RTEL1: variants seen among roughly 807,000 people sequenced by gnomAD.
RTEL1 encodes regulator of telomere elongation helicase 1.
In RTEL1, 86 loss-of-function variants were observed where a neutral mutation model predicts 162.2. The ratio of observed to expected loss-of-function variants is 0.53; its 90% CI spans 0.45 to 0.63. The LOEUF is 0.63. Among genes scored for constraint, RTEL1 ranks in the 30% least tolerant of loss-of-function variants. The pLI, the probability that RTEL1 is intolerant of heterozygous loss-of-function variation, is 0.00. For synonymous variants in RTEL1, 958 were observed against 717.9 expected, an observed-to-expected ratio of 1.33 and a Z score of -5.35; for missense variants, 1,941 against 1,750.2, an observed-to-expected ratio of 1.11 and a Z score of -1.95.
chr20:63,692,628 A>G, intron 28 of RTEL1, 177 bp from the exon 29 acceptor site: 1 of 632,152 alleles, frequency 1.6e-6, no homozygotes, highest in Non-Finnish European at 2.8e-6. Flanking sequence ...CCAGCCCCAC[A>G]GCTTTCTTCC....
At chr20:63,679,987 C>A (rs768942341) in intron 13 of RTEL1, 41 bp downstream of exon 13, 1 of 1,442,210 alleles carries the variant, frequency 6.9e-7, no homozygotes, top group Non-Finnish European at 9.6e-7. Context: ...GCAAATGTGG[C>A]GTAGGGGGTG....
Position 63,662,645 on chromosome 20 carries a change from C to G in RTEL1, c.477+18C>G. The G allele has an allele frequency of 1.2e-6, 2 of 1,613,322 alleles. No individual in the cohort carries two copies. The highest frequency in any genetic ancestry group is 8.5e-7 in the Non-Finnish European group (1 of 1,179,562). On this transcript the variant is annotated intron_variant, in intron 5 of 34. Transcript: ENST00000360203. ...ATCTACAGGTAGGCTCCTGGGCTCC[C>G]GCTCCGGCTCAGTGTCCGACAGGCG...
In RTEL1 at chr20:63,672,552, G is replaced by A. The variant is rs1376001934; in HGVS notation, c.700-4G>A. 4 of 1,574,880 alleles carry A rather than the reference G, an allele frequency of 2.5e-6. No individual in the cohort carries two copies. The highest frequency in any genetic ancestry group is 3.5e-6 in the Non-Finnish European group (4 of 1,157,936). On this transcript the variant is annotated splice_polypyrimidine_tract_variant and splice_region_variant and intron_variant, in intron 8 of 34. Transcript: ENST00000360203. ...GCGCTGCGTCCCTTCTCTTCCTCCT[G>A]TAGAGCCGCAGAGCACACAACATTG...
At chr20:63,688,738 G>A (rs1601166031) in intron 21 of RTEL1, 133 bp downstream of exon 21, 5 of 770,658 alleles carry the variant, frequency 6.5e-6, no homozygotes, top group African/African-American at 3.5e-5. Flanking sequence ...GGGCTCCTGC[G>A]TTTCCTTCCT....
At chr20:63,691,470 T>G (rs2090741497) in intron 27 of RTEL1, among the ~76,000 whole-genome samples, 1 of 152,086 alleles carries the variant, frequency 6.6e-6, no homozygotes, top group Non-Finnish European at 1.5e-5. Flanking sequence ...CAGGCACCTG[T>G]GTCCCCTTCC....
rs1466628519 is a variant in RTEL1, at chr20:63,687,696, C to G, written c.1407C>G (p.Arg469=). The change falls in exon 17 of 35, where the codon CGC becomes CGG. Residue 469 remains arginine (R), a synonymous_variant. Transcript: ENST00000360203. ...SPGHSMHELV[R]QGVRSLILTS... ...GCCACAGCATGCACGAGCTGGTCCG[C>G]CAGGGCGTCCGCTCCCTCATCCTTA... The G allele has an allele frequency of 1.0e-5, 16 of 1,606,778 alleles. No homozygotes were observed. The South Asian group carries it at 1.8e-4, about 18-fold the overall frequency.
intron 16 of RTEL1, 129 bp from the exon 17 acceptor site, chr20:63,687,509 C>T: frequency 9.2e-7 from 1 of 1,089,436 alleles, no homozygotes; most frequent in Non-Finnish European, 1.3e-6. Context: ...CACAGTGGGC[C>T]TGGGTGGCTG....
chr20:63,693,598 C>T (rs1353258159), intron 30 of RTEL1, among the ~76,000 whole-genome samples: 159 of 91,172 alleles, frequency 1.7e-3, no homozygotes, highest in Non-Finnish European at 3.2e-3. Context: ...ACCTCCACCT[C>T]CACCACCACC....
In RTEL1 at chr20:63,661,362, C is replaced by T. The variant is rs768910485; in HGVS notation, c.167C>T (p.Thr56Met). The change falls in exon 3 of 35, where the codon ACG (threonine) becomes ATG (methionine). Residue 56 changes from threonine to methionine, a missense_variant. Coordinates refer to ENST00000360203, the MANE Select transcript of RTEL1 (RefSeq NM_001283009.2). This position sits in a 1 kb window ranked among gnomAD's most constrained non-coding sequence, Gnocchi z 5.1. Reference sequence around the variant, plus strand: ...AAGACGCTGTGCCTGCTGTGCACCACGCTGGCCTGGCGAGAACACCTCCGA... The same window carrying T: ...AAGACGCTGTGCCTGCTGTGCACCATGCTGGCCTGGCGAGAACACCTCCGA... ...TGKTLCLLCT[T>M]LAWREHLRDG... 3.1e-6 allele frequency: 5 copies of T among 1,613,580 alleles called. 1 individual carries two copies. The highest frequency in any genetic ancestry group is 3.5e-4 in the Middle Eastern group (2 of 5,722).
rs1204270300 is a variant in RTEL1 at position 63,689,528 on chromosome 20, C to T, written c.1905C>T (p.Asp635=). 6.8e-6 allele frequency: 11 copies of T among 1,608,712 alleles called. No homozygotes were observed. The highest frequency in any genetic ancestry group is 9.3e-6 in the Non-Finnish European group (11 of 1,178,432). The part of the protein sequence containing the change: ...GKASEGLDFS[D]TNGRGVIVTG... ...CCAGCGAGGGGCTGGACTTCTCAGA[C>T]ACGAATGGCCGTGGTGTGATTGTCA... is the stretch of plus-strand genomic sequence containing the variant. Residue 635 remains aspartate (D), a synonymous_variant, in exon 23 of 35, where the codon GAC becomes GAT. Transcript: ENST00000360203.
intron 21 of RTEL1, 80 bp downstream of exon 21, chr20:63,688,685 C>A: frequency 7.4e-7 from 1 of 1,352,540 alleles, no homozygotes; most frequent in Non-Finnish European, 1.0e-6. Flanking sequence ...AGGCTGACCA[C>A]TGGCCCTGAC....
Position 63,659,323 on chromosome 20 carries a change from T to G in RTEL1, c.-80T>G. Reference sequence around the variant, plus strand: ...ACCAGGAGTGCCCGAGACCCTAAGATGTTCGGAGTGGTTTTTTCGCACAGA... The same window carrying G: ...ACCAGGAGTGCCCGAGACCCTAAGAGGTTCGGAGTGGTTTTTTCGCACAGA... On this transcript the variant is annotated 5_prime_UTR_variant, in exon 2 of 35. An upstream start codon of the reference 5' UTR is lost. Transcript: ENST00000360203. 1.1e-6 allele frequency: 1 copy of G among 930,456 alleles called. No homozygotes were observed. The highest frequency in any genetic ancestry group is 1.8e-6 in the Non-Finnish European group (1 of 564,372). 57.6% of individuals were successfully genotyped at this position (930,456 alleles called of 1,614,324 possible).
chr20:63,693,075 G>A (rs367683582), intron 29 of RTEL1, 68 bp from the exon 30 acceptor site: 11 of 1,610,064 alleles, frequency 6.8e-6, no homozygotes, highest in South Asian at 2.2e-5. Context: ...GGGCCATCTG[G>A]GTCCAAGGTG....
chr20:63,673,631 G>A (rs1194693178), intron 9 of RTEL1, among the ~76,000 whole-genome samples: 3 of 151,944 alleles, frequency 2.0e-5, no homozygotes, highest in Non-Finnish European at 4.4e-5. Flanking sequence ...TAGAGGCGGG[G>A]TTTCCCAGCG....
At chr20:63,667,429 C>G in intron 7 of RTEL1, 40 bp from the exon 8 acceptor site, 2 of 1,519,324 alleles carry the variant, frequency 1.3e-6, no homozygotes, top group Non-Finnish European at 1.8e-6. Context: ...CCGTCCCCTG[C>G]ATGGGGTGCT....
chr20:63,694,032 A>C (rs1191204104), intron 30 of RTEL1, among the ~76,000 whole-genome samples: 1 of 151,904 alleles, frequency 6.6e-6, no homozygotes, highest in Non-Finnish European at 1.5e-5. Flanking sequence ...CAGCCCCTAC[A>C]GAGTTCCCCT....
In RTEL1 at chr20:63,672,624, G is replaced by A; in HGVS notation, c.765+3G>A. The A allele has an allele frequency of 6.3e-7, 1 of 1,579,230 alleles. No individual in the cohort carries two copies. Among genetic ancestry groups the A allele is most frequent in the South Asian group, 1.2e-5 (1 of 86,650 alleles). On this transcript the variant is annotated splice_donor_region_variant and intron_variant, in intron 9 of 34. Transcript: ENST00000360203. Reference sequence around the variant, plus strand: ...TCTTTGACGAAGCTCACAACGTGGTGAGTCTCCGCTGGCCTCCTAAACACC... The same window carrying A: ...TCTTTGACGAAGCTCACAACGTGGTAAGTCTCCGCTGGCCTCCTAAACACC...
intron 16 of RTEL1, 70 bp downstream of exon 16, chr20:63,685,942 A>G: frequency 1.4e-6 from 2 of 1,443,690 alleles, no homozygotes; most frequent in South Asian, 1.2e-5. Context: ...GCCACAGGCT[A>G]GGCACATGCC....
chr20:63,691,240 G>A (rs1024945833), intron 27 of RTEL1, among the ~76,000 whole-genome samples: 6 of 152,172 alleles, frequency 3.9e-5, no homozygotes, highest in Non-Finnish European at 8.8e-5. Context: ...ACTCAAGGTC[G>A]GGTGCCCCTG....
Sources: allele counts gnomAD v4.1 joint callset (sites outside exome capture counted in the v4.1 genomes callset), GRCh38; gene constraint gnomAD v4.1.1; non-coding constraint Gnocchi (gnomAD v3.1); transcripts MANE v1.5; gene names NCBI Gene and HGNC (gene_info 2026-07-23, HGNC 2026-07-21).